The following GRIK1 variants were observed in gnomAD, a reference collection of about 807,000 sequenced individuals.
The protein encoded by GRIK1 is glutamate ionotropic receptor kainate type subunit 1.
Under a neutral mutation model 105.7 loss-of-function variants are expected in GRIK1, and 69 were observed. The ratio of observed to expected loss-of-function variants is 0.65; its 90% CI spans 0.54 to 0.80. The LOEUF is 0.80. Among genes scored for constraint, GRIK1 ranks in the 30% least tolerant of loss-of-function variants. GRIK1 has a pLI of 0.00. For missense variants in GRIK1, 1,109 were observed against 1,167.3 expected, an observed-to-expected ratio of 0.95 and a Z score of 0.73; for synonymous variants, 438 against 431.3, an observed-to-expected ratio of 1.02 and a Z score of -0.19.
chr21:29,673,001 G>T lies in GRIK1; in HGVS notation c.708C>A (p.Ala236=). The T allele has an allele frequency of 6.2e-7, 1 of 1,611,814 alleles. No homozygotes were observed. The highest frequency in any genetic ancestry group is 8.5e-7 in the Non-Finnish European group (1 of 1,178,534). Residue 236 remains alanine (A), a synonymous_variant, in exon 4 of 18, where the codon GCC becomes GCA. Transcript: ENST00000327783. ...CTCTTACCTGCTTAAGGATTTCAGCGGCTGTTTCATGTGAACAATCAAATA... is the reference window on the plus strand; with the variant it reads ...CTCTTACCTGCTTAAGGATTTCAGCTGCTGTTTCATGTGAACAATCAAATA... ...YVIFDCSHET[A]AEILKQILFM... is the part of the protein sequence containing the mutation.
chr21:29,845,478 T>G (rs2068088606), intron 1 of GRIK1, among the ~76,000 whole-genome samples: 1 of 152,186 alleles, frequency 6.6e-6, no homozygotes, highest in Non-Finnish European at 1.5e-5. Context: ...AATGTGGCTT[T>G]CTTTCTCTCA....
At chr21:29,600,083 T>TAAAACA (rs1211161911) in intron 7 of GRIK1, among the ~76,000 whole-genome samples, 2 of 152,160 alleles carry the variant, frequency 1.3e-5, no homozygotes, top group African/African-American at 2.4e-5. Context: ...AGACTCCGTC[T>TAAAACA]AAAACAAAAA....
chr21:29,781,665 T>TC (rs1229786952), intron 1 of GRIK1, among the ~76,000 whole-genome samples: 4 of 119,962 alleles, frequency 3.3e-5, no homozygotes, highest in Non-Finnish European at 5.6e-5. Flanking sequence ...TTCTTTTTTT[T>TC]TTTTTTTTTT....
chr21:29,829,544 T>G (rs554037182), intron 1 of GRIK1, among the ~76,000 whole-genome samples: 8 of 152,304 alleles, frequency 5.3e-5, no homozygotes, highest in African/African-American at 1.7e-4. Flanking sequence ...CAAAAATAGC[T>G]ACATATTTTT....
chr21:29,563,133 G>A (rs549572022), intron 14 of GRIK1, among the ~76,000 whole-genome samples: 10 of 152,116 alleles, frequency 6.6e-5, no homozygotes, highest in Non-Finnish European at 1.3e-4. Context: ...TATAGTGCTC[G>A]CACACATTAG....
rs3054331 is a variant in GRIK1 at position 29,656,354 on chromosome 21, C to CAAAAAAAAAAAAAAAA, written c.727-1507_727-1492dup. Reference sequence around the variant, plus strand: ...CCAGCCTGGGGGCCAGAGCGAGACTCAAAAAAAAAAAAAAAAAAAAAAAAA... The same window carrying CAAAAAAAAAAAAAAAA: ...CCAGCCTGGGGGCCAGAGCGAGACTCAAAAAAAAAAAAAAAAAAAAAAAAAAAAAAAAAAAAAAAAA... On this transcript the variant is annotated intron_variant, in intron 4 of 17. Transcript: ENST00000327783. Among the ~76,000 whole-genome samples the CAAAAAAAAAAAAAAAA allele has an allele frequency of 1.1e-3, 55 of 51,148 alleles. 4 individuals carry two copies. Among genetic ancestry groups the CAAAAAAAAAAAAAAAA allele is most frequent in the African/African-American group, 1.7e-3 (32 of 18,866 alleles). 33.6% of individuals were successfully genotyped at this position (51,148 alleles called of 152,430 possible).
At chr21:29,636,173 T>C (rs1601336082) in intron 7 of GRIK1, among the ~76,000 whole-genome samples, 1 of 152,192 alleles carries the variant, frequency 6.6e-6, no homozygotes, top group Admixed American at 6.5e-5. Flanking sequence ...CTCCGTCATG[T>C]CACTAGTCTT....
chr21:29,800,468 G>A (rs2066675146), intron 1 of GRIK1, among the ~76,000 whole-genome samples: 1 of 152,170 alleles, frequency 6.6e-6, no homozygotes, highest in Non-Finnish European at 1.5e-5. Context: ...ACACATATAT[G>A]ACAGAATGGA....
intron 1 of GRIK1, among the ~76,000 whole-genome samples, chr21:29,918,037 A>G (rs571392945): frequency 5.9e-4 from 90 of 152,178 alleles, no homozygotes; most frequent in African/African-American, 2.1e-3. Context: ...GGATAAATAG[A>G]TAGATTAATG....
chr21:29,730,455 T>C (rs2064586492), intron 1 of GRIK1, among the ~76,000 whole-genome samples: 2 of 152,190 alleles, frequency 1.3e-5, no homozygotes, highest in Admixed American at 6.6e-5. Context: ...TAGTTTTCAA[T>C]GTAAATGAGC....
chr21:29,701,249 G>A (rs138652249), intron 1 of GRIK1, among the ~76,000 whole-genome samples: 46 of 152,292 alleles, frequency 3.0e-4, no homozygotes, highest in African/African-American at 1.1e-3. Context: ...TTTTAGAAGG[G>A]GAATTGGTCA....
chr21:29,700,589 T>G (rs970209544), intron 1 of GRIK1, among the ~76,000 whole-genome samples: 1 of 152,160 alleles, frequency 6.6e-6, no homozygotes. Flanking sequence ...TGGCTCTAGG[T>G]CTCACTGATT....
At chr21:29,841,367 G>A (rs1443283477) in intron 1 of GRIK1, among the ~76,000 whole-genome samples, 1 of 152,118 alleles carries the variant, frequency 6.6e-6, no homozygotes, top group African/African-American at 2.4e-5. Flanking sequence ...TAGATCCCAT[G>A]GCAGAGATTT....
At chr21:29,761,056 G>A (rs1215853242) in intron 1 of GRIK1, among the ~76,000 whole-genome samples, 2 of 152,084 alleles carry the variant, frequency 1.3e-5, no homozygotes, top group Admixed American at 6.5e-5. Context: ...CCCTGTCCTC[G>A]GTAATCTATT....
chr21:29,692,669 G>A (rs1443125524), intron 2 of GRIK1, among the ~76,000 whole-genome samples: 7 of 152,150 alleles, frequency 4.6e-5, no homozygotes, highest in African/African-American at 1.7e-4. Flanking sequence ...TACTTCCCGG[G>A]TTCACACTAT....
chr21:29,543,154 C>A (rs1167756406), intron 16 of GRIK1, among the ~76,000 whole-genome samples: 1 of 151,824 alleles, frequency 6.6e-6, no homozygotes, highest in Non-Finnish European at 1.5e-5. Context: ...TTCTGTGGAG[C>A]CAGTGTCTCA....
chr21:29,635,415 C>T (rs368507674), intron 7 of GRIK1, among the ~76,000 whole-genome samples: 5 of 152,310 alleles, frequency 3.3e-5, no homozygotes, highest in South Asian at 4.1e-4. Flanking sequence ...TCTGTGTGTC[C>T]ACACTGCCCA....
intron 1 of GRIK1, among the ~76,000 whole-genome samples, chr21:29,881,454 C>T (rs140164806): frequency 4.8e-4 from 73 of 152,196 alleles, no homozygotes; most frequent in African/African-American, 1.7e-3. Flanking sequence ...GAGGCTGAGT[C>T]GCTTGCTCCA....
intron 1 of GRIK1, among the ~76,000 whole-genome samples, chr21:29,751,881 C>T (rs1014484641): frequency 7.2e-5 from 11 of 152,152 alleles, no homozygotes; most frequent in Admixed American, 3.9e-4. Context: ...TCTTTCGAGA[C>T]GCTAGCTGTC....
Sources: gnomAD v4.1 joint callset for allele counts (sites outside exome capture counted in the v4.1 genomes callset) on GRCh38, gnomAD v4.1.1 for gene constraint, MANE v1.5 for transcripts, NCBI Gene and HGNC (gene_info 2026-07-23, HGNC 2026-07-21) for gene names.